The following MCF2 variants were observed in gnomAD, a reference collection of about 807,000 sequenced individuals.
The protein encoded by MCF2 is MCF.2 cell line derived transforming sequence.
MCF2 carries 44 observed loss-of-function variants against 82.5 expected under a neutral mutation model. That is an observed-to-expected ratio of 0.53 (90% CI 0.42 to 0.69). The LOEUF is 0.69. Ranked by LOEUF, MCF2 falls within the 30% of genes least tolerant of loss-of-function variation. MCF2 has a pLI of 0.00. For synonymous variants in MCF2, 217 were observed against 224.9 expected, an observed-to-expected ratio of 0.96 and a Z score of 0.32; for missense variants, 623 against 663.1, an observed-to-expected ratio of 0.94 and a Z score of 0.66.
At chrX:139,622,789 A>G (rs146452000) in intron 6 of MCF2, among the ~76,000 whole-genome samples, 4,822 of 110,152 alleles carry the variant, frequency 0.044, 178 homozygotes, top group East Asian at 0.17. Context: ...CTAAATGACA[A>G]GTTAATAGGT....
At chrX:139,644,476 T>C (rs1043530210), upstream of MCF2, among the ~76,000 whole-genome samples, 3 of 112,561 alleles carry the variant, frequency 2.7e-5, no homozygotes, top group Non-Finnish European at 5.6e-5. Context: ...ATTTTAGTAA[T>C]TTGAGTATAT....
intron 10 of MCF2, chrX:139,613,228 G>C: frequency 8.7e-7 from 1 of 1,149,909 alleles, no homozygotes; most frequent in Non-Finnish European, 1.2e-6. Context: ...TTTGAAAAAA[G>C]TTTACATGCT....
At chrX:139,663,574 T>C (rs757223232) in intron 1 of MCF2, among the ~76,000 whole-genome samples, 13 of 107,808 alleles carry the variant, frequency 1.2e-4, no homozygotes, top group African/African-American at 4.6e-4. Flanking sequence ...ATAGTTTGCT[T>C]TGTTTTTTTT....
At chrX:139,685,794 G>C (rs1394439592) in intron 1 of MCF2, among the ~76,000 whole-genome samples, 1 of 111,146 alleles carries the variant, frequency 9.0e-6, no homozygotes, top group Non-Finnish European at 1.9e-5. Flanking sequence ...ACCAAAACCT[G>C]ACAGAGACAC....
At chrX:139,625,375 G>C (rs987971723) in intron 6 of MCF2, among the ~76,000 whole-genome samples, 2 of 111,898 alleles carry the variant, frequency 1.8e-5, no homozygotes, top group African/African-American at 6.5e-5. Flanking sequence ...TCTTTCTTTA[G>C]GGAAGGTTTC....
chrX:139,630,559 C>G (rs1961326737), intron 3 of MCF2, among the ~76,000 whole-genome samples: 1 of 112,173 alleles, frequency 8.9e-6, no homozygotes, highest in South Asian at 3.6e-4. Context: ...TTATTAAAGG[C>G]TAGGCATTGC....
At chrX:139,696,269 C>A (rs1370281515) in intron 1 of MCF2, among the ~76,000 whole-genome samples, 1 of 96,190 alleles carries the variant, frequency 1.0e-5, no homozygotes, top group Admixed American at 1.2e-4. Flanking sequence ...CCCTCCCTTC[C>A]CTCCCTCCCT....
At chrX:139,603,573 C>A (rs895406406) in intron 15 of MCF2, among the ~76,000 whole-genome samples, 1 of 112,425 alleles carries the variant, frequency 8.9e-6, no homozygotes, top group African/African-American at 3.2e-5. Context: ...CGGTGGCTCA[C>A]GCCTGTAATC....
chrX:139,680,371 G>A (rs1241341421), intron 1 of MCF2, among the ~76,000 whole-genome samples: 1 of 112,363 alleles, frequency 8.9e-6, no homozygotes, highest in Non-Finnish European at 1.9e-5. Flanking sequence ...AATTTGCAAA[G>A]CACAGTTAAA....
chrX:139,630,966 G>C (rs1932902571), intron 3 of MCF2, among the ~76,000 whole-genome samples: 1 of 111,989 alleles, frequency 8.9e-6, no homozygotes, highest in Admixed American at 9.5e-5. Flanking sequence ...GTCTTTTTAA[G>C]ATCCCTGTGA....
chrX:139,585,692 G>A (rs1928888609), intron 23 of MCF2, among the ~76,000 whole-genome samples: 1 of 111,740 alleles, frequency 8.9e-6, no homozygotes, highest in Non-Finnish European at 1.9e-5. Context: ...CTTCCCTGCT[G>A]TAACACTCGC....
At chrX:139,645,577 T>C (rs758949657), upstream of MCF2, 4 of 1,181,221 alleles carry the variant, frequency 3.4e-6, no homozygotes, top group East Asian at 1.2e-4. Context: ...CCGAGATTTT[T>C]TGGAGAGAGA....
intron 18 of MCF2, among the ~76,000 whole-genome samples, chrX:139,596,997 T>C (rs1930157513): frequency 9.0e-6 from 1 of 111,554 alleles, no homozygotes; most frequent in Non-Finnish European, 1.9e-5. Context: ...TCATATCATC[T>C]GGAGGTATTT....
chrX:139,590,475 A>T (rs1929410137), intron 19 of MCF2, among the ~76,000 whole-genome samples: 1 of 109,565 alleles, frequency 9.1e-6, no homozygotes, highest in Non-Finnish European at 1.9e-5. Context: ...TTCTAAAAAA[A>T]AAATAATAAT....
intron 6 of MCF2, among the ~76,000 whole-genome samples, chrX:139,623,300 C>T (rs956272005): frequency 2.7e-5 from 3 of 111,646 alleles, no homozygotes; most frequent in African/African-American, 9.8e-5. Flanking sequence ...CAGCACTATT[C>T]GCAATAGCAA....
chrX:139,627,283 A>G (rs1932784944), intron 4 of MCF2, among the ~76,000 whole-genome samples: 1 of 112,044 alleles, frequency 8.9e-6, no homozygotes, highest in South Asian at 3.7e-4. Flanking sequence ...GTAGCACAAT[A>G]AAAACCACCA....
chrX:139,597,520 C>T lies in MCF2; in HGVS notation c.1995G>A (p.Met665Ile), dbSNP rs1234709874. Residue 665 changes from methionine to isoleucine, a missense_variant, in exon 18 of 25, where the codon ATG becomes ATA. Coordinates refer to ENST00000370576, the Ensembl canonical transcript of MCF2. Reference sequence around the variant, plus strand: ...CATTAACTGACTTCAGTAAATCCAGCATTGCATCGAGTGCCTTCTTCAACA... The same window carrying T: ...CATTAACTGACTTCAGTAAATCCAGTATTGCATCGAGTGCCTTCTTCAACA... 4.2e-6 allele frequency: 5 copies of T among 1,194,734 alleles called. No individual in the cohort carries two copies. The highest frequency in any genetic ancestry group is 5.7e-6 in the Non-Finnish European group (5 of 883,021).
chrX:139,595,994 GAA>G (rs1930057887), intron 19 of MCF2, among the ~76,000 whole-genome samples: 1 of 111,252 alleles, frequency 9.0e-6, no homozygotes, highest in Non-Finnish European at 1.9e-5. Context: ...TTGAAAGACG[GAA>G]CAGGACAGAT....
chrX:139,636,603 ACT>A (rs1485212916), intron 1 of MCF2, among the ~76,000 whole-genome samples: 2 of 110,736 alleles, frequency 1.8e-5, no homozygotes, highest in Non-Finnish European at 3.8e-5. Flanking sequence ...CTATGTAGCA[ACT>A]CTCTGCCTGA....
Sources: gnomAD v4.1 joint callset for allele counts (sites outside exome capture counted in the v4.1 genomes callset) on GRCh38, gnomAD v4.1.1 for gene constraint, MANE v1.5 for transcripts, NCBI Gene and HGNC (gene_info 2026-07-23, HGNC 2026-07-21) for gene names.